Variants in CSMD3 observed in about 807,000 individuals in gnomAD.
CSMD3 encodes CUB and Sushi multiple domains 3, also known as CUB and sushi domain-containing protein 3.
A neutral mutation model predicts 435.2 loss-of-function variants in CSMD3; 177 were observed. The ratio of observed to expected loss-of-function variants is 0.41; its 90% CI spans 0.36 to 0.46. CSMD3 has a LOEUF of 0.46. Among genes scored for constraint, CSMD3 ranks in the 20% least tolerant of loss-of-function variants. The pLI is 0.34. For synonymous variants in CSMD3, 1,656 were observed against 1,520.5 expected (o/e 1.09, Z -2.07); for missense variants, 4,265 against 4,504.6 (o/e 0.95, Z 1.52).
At chr8:112,410,301 C>T (rs2130100323) in intron 32 of CSMD3, among the ~76,000 whole-genome samples, 1 of 150,828 alleles carries the variant, frequency 6.6e-6, no homozygotes, top group South Asian at 2.1e-4. Flanking sequence ...ATTGGCTGTG[C>T]TAAAATTTGT....
At chr8:112,610,175 GCA>G (rs149704778) in intron 22 of CSMD3, among the ~76,000 whole-genome samples, 1 of 151,780 alleles carries the variant, frequency 6.6e-6, no homozygotes, top group African/African-American at 2.4e-5. Flanking sequence ...TTCTCATCAT[GCA>G]CACACACACA....
At chr8:112,341,027 C>T (rs1825053429) in intron 42 of CSMD3, among the ~76,000 whole-genome samples, 1 of 152,006 alleles carries the variant, frequency 6.6e-6, no homozygotes, top group Non-Finnish European at 1.5e-5. Flanking sequence ...TATTTATATT[C>T]TCATGACAAT....
intron 16 of CSMD3, among the ~76,000 whole-genome samples, chr8:112,670,730 GT>G (rs1563834660): frequency 6.6e-6 from 1 of 152,074 alleles, no homozygotes; most frequent in African/African-American, 2.4e-5. Context: ...ACAGGGAGGA[GT>G]TTCATGTGGA....
chr8:112,669,502 A>T (rs551530566), intron 16 of CSMD3, among the ~76,000 whole-genome samples: 44 of 152,280 alleles, frequency 2.9e-4, no homozygotes, highest in Middle Eastern at 3.4e-3. Context: ...ATTCTTATAC[A>T]TTTTTTTAAC....
chr8:112,808,340 C>A (rs1245945182), intron 12 of CSMD3, among the ~76,000 whole-genome samples: 1 of 151,932 alleles, frequency 6.6e-6, no homozygotes, highest in Non-Finnish European at 1.5e-5. Context: ...GAAAGGAAGT[C>A]ATCTTATTGT....
rs115756975 is a variant in CSMD3 at position 112,289,297 on chromosome 8, C to T, written c.9148+68G>A. 2,479 of 1,237,938 alleles carry T rather than the reference C, an allele frequency of 2.0e-3. 29 individuals are homozygous for T. In the African/African-American group the frequency reaches 0.029, roughly 15 times the overall value. 76.7% of individuals were successfully genotyped at this position (1,237,938 alleles called of 1,614,324 possible). The stretch of plus-strand genomic sequence containing the variant: ...AAGTCTTTAGATTGTTTTGTGTATA[C>T]GTTGCTACTACTACTACTAACAATA... On this transcript the variant is annotated intron_variant, in intron 57 of 70. Transcript: ENST00000297405.
At chr8:112,590,729 T>C (rs1371001376) in intron 22 of CSMD3, among the ~76,000 whole-genome samples, 5 of 106,532 alleles carry the variant, frequency 4.7e-5, no homozygotes, top group African/African-American at 2.7e-5. Context: ...ATTTATAAAA[T>C]TTTTTGAGAT....
intron 8 of CSMD3, among the ~76,000 whole-genome samples, chr8:112,951,403 G>T (rs2083805276): frequency 6.6e-6 from 1 of 151,694 alleles, no homozygotes; most frequent in African/African-American, 2.4e-5. Flanking sequence ...ATACCCTAAA[G>T]ATAAAAATAA....
intron 13 of CSMD3, among the ~76,000 whole-genome samples, chr8:112,709,341 C>T (rs761154499): frequency 6.6e-6 from 1 of 151,934 alleles, no homozygotes; most frequent in Non-Finnish European, 1.5e-5. Flanking sequence ...TTTTCTAAAG[C>T]TTATTTGACC....
chr8:112,556,355 A>G (rs868567597), intron 25 of CSMD3, among the ~76,000 whole-genome samples: 1 of 152,032 alleles, frequency 6.6e-6, no homozygotes, highest in Non-Finnish European at 1.5e-5. Context: ...ATGAGAAAAG[A>G]GAATAGGTTA....
intron 5 of CSMD3, among the ~76,000 whole-genome samples, chr8:113,027,286 C>T (rs1398784108): frequency 2.6e-5 from 4 of 151,926 alleles, no homozygotes; most frequent in Non-Finnish European, 5.9e-5. Flanking sequence ...CATGTCTGAA[C>T]AAGAATGCAT....
chr8:112,918,947 A>G (rs2082650547), intron 10 of CSMD3, among the ~76,000 whole-genome samples: 1 of 151,872 alleles, frequency 6.6e-6, no homozygotes, highest in South Asian at 2.1e-4. Flanking sequence ...AGACATGAGA[A>G]CTACTCTTTG....
At chr8:113,141,152 A>T (rs2091538868) in intron 4 of CSMD3, among the ~76,000 whole-genome samples, 1 of 150,908 alleles carries the variant, frequency 6.6e-6, no homozygotes, top group Non-Finnish European at 1.5e-5. Flanking sequence ...TGCTATAGTA[A>T]TTAAGGAAAT....
intron 10 of CSMD3, among the ~76,000 whole-genome samples, chr8:112,892,393 T>C (rs1170444493): frequency 6.6e-6 from 1 of 151,572 alleles, no homozygotes; most frequent in Non-Finnish European, 1.5e-5. Flanking sequence ...AACTGAACAT[T>C]AATGAATCTC....
chr8:112,505,930 C>A (rs1586547000), intron 29 of CSMD3, among the ~76,000 whole-genome samples: 1 of 152,062 alleles, frequency 6.6e-6, no homozygotes, highest in Non-Finnish European at 1.5e-5. Context: ...CTTCTACCCT[C>A]AAGTTATCAA....
At chr8:112,227,961 G>C (rs547748395) in intron 70 of CSMD3, among the ~76,000 whole-genome samples, 1 of 152,158 alleles carries the variant, frequency 6.6e-6, no homozygotes, top group East Asian at 1.9e-4. Flanking sequence ...AGAGTGGCGT[G>C]AACCTGGGAG....
At chr8:112,671,407 G>A (rs1275061452) in intron 16 of CSMD3, among the ~76,000 whole-genome samples, 4 of 151,892 alleles carry the variant, frequency 2.6e-5, no homozygotes, top group African/African-American at 9.7e-5. Flanking sequence ...ACTTCAGTAA[G>A]CTCCAATTAT....
chr8:112,313,832 T>C, intron 49 of CSMD3, 74 bp downstream of exon 49: 1 of 1,190,816 alleles, frequency 8.4e-7, no homozygotes, highest in African/African-American at 1.5e-5. Context: ...AACTGAATAG[T>C]GTCTCTGCTC....
At chr8:113,050,573 G>T (rs1407896539) in intron 5 of CSMD3, among the ~76,000 whole-genome samples, 1 of 151,846 alleles carries the variant, frequency 6.6e-6, no homozygotes, top group Non-Finnish European at 1.5e-5. Context: ...GTCAAAACAA[G>T]AATAAGTTTA....
Sources: gnomAD v4.1 joint callset for allele counts (sites outside exome capture counted in the v4.1 genomes callset) on GRCh38, gnomAD v4.1.1 for gene constraint, MANE v1.5 for transcripts, NCBI Gene and HGNC (gene_info 2026-07-23, HGNC 2026-07-21) for gene names.